Variants in DST observed in about 807,000 individuals in gnomAD.
DST encodes the protein dystonin, also known as bullous pemphigoid antigen.
In DST, 253 loss-of-function variants were observed where a neutral mutation model predicts 875.2. The ratio of observed to expected loss-of-function variants is 0.29; its 90% CI spans 0.26 to 0.32. The LOEUF (loss-of-function observed/expected upper bound fraction) is 0.32, where lower values mean the gene tolerates loss of function less well. Ranked by LOEUF, DST falls within the 10% of genes least tolerant of loss-of-function variation. DST has a pLI of 1.00. For synonymous variants in DST, 3,124 were observed against 3,197.1 expected (o/e 0.98, Z 0.77); for missense variants, 8,287 against 9,111.6 (o/e 0.91, Z 3.68).
rs779563013 is a variant in DST at position 56,597,916 on chromosome 6, C to T, written c.12019G>A (p.Ala4007Thr). The part of the protein sequence containing the change: ...LSNVDKDSER[A>T]GTKHKQVIEQ... The stretch of plus-strand genomic sequence containing the variant: ...ATTACCTGTTTGTGTTTTGTCCCTG[C>T]CCTTTCTGAGTCTTTGTCAACATTT... The change falls in exon 47 of 104, where the codon GCA becomes ACA. Residue 4007 changes from alanine to threonine, a missense_variant. Ala to Thr is a moderately conservative substitution (Grantham distance 58). Coordinates refer to ENST00000680361, the MANE Select transcript of DST (RefSeq NM_001374736.1). 1.2e-6 allele frequency: 2 copies of T among 1,613,704 alleles called. No individual in the cohort carries two copies. Among genetic ancestry groups the T allele is most frequent in the South Asian group, 1.1e-5 (1 of 91,028 alleles).
In DST at chr6:56,776,161, AT is replaced by A. The variant is rs544572049; in HGVS notation, c.626-40873del. Among the ~76,000 whole-genome samples the A allele has an allele frequency of 8.8e-3, 1,337 of 152,362 alleles. 17 individuals are homozygous for A. The highest frequency in any genetic ancestry group is 0.03 in the African/African-American group (1,228 of 41,578). On this transcript the variant is annotated intron_variant, in intron 4 of 103. Coordinates refer to ENST00000680361, the MANE Select transcript of DST (RefSeq NM_001374736.1). ...TCTGTGGTCTTCCTTGCAAAGACCC[AT>A]AACCTCAATCTAACCATAGGAAAAA...
At chr6:56,928,085 T>C (rs775990874) in intron 2 of DST, among the ~76,000 whole-genome samples, 55 of 152,282 alleles carry the variant, frequency 3.6e-4, no homozygotes, top group Non-Finnish European at 6.2e-4. Flanking sequence ...TTGGGGCTTA[T>C]ACCTCTGAGG....
intron 90 of DST, among the ~76,000 whole-genome samples, chr6:56,479,053 G>A (rs2095312665): frequency 1.3e-5 from 2 of 151,868 alleles, no homozygotes; most frequent in African/African-American, 4.8e-5. Context: ...AATCTGCAAG[G>A]AACTCAAACA....
At chr6:56,910,197 C>T (rs73459721) in intron 2 of DST, among the ~76,000 whole-genome samples, 6,239 of 152,260 alleles carry the variant, frequency 0.041, 433 homozygotes, top group African/African-American at 0.14. Flanking sequence ...GATGAGGTCT[C>T]GCTCAGTTGC....
intron 36 of DST, chr6:56,620,595 C>T: frequency 6.2e-7 from 1 of 1,614,070 alleles, no homozygotes; most frequent in Non-Finnish European, 8.5e-7. Flanking sequence ...AGTTCAGCTA[C>T]CATTCTTTCC....
intron 2 of DST, among the ~76,000 whole-genome samples, chr6:56,911,638 C>A (rs766904250): frequency 7.9e-5 from 12 of 152,150 alleles, no homozygotes; most frequent in Non-Finnish European, 1.8e-4. Context: ...TTAAATTATA[C>A]ATACAACATG....
chr6:56,605,125 T>C lies in DST; in HGVS notation c.9503A>G (p.Glu3168Gly). ...TSWEGNTHFE[E>G]SFTDGPEKEL... ...TTTCTCAGGTCCATCAGTGAATGACTCCTCAAAATGTGTATTCCCTTCCCA... is the reference window on the plus strand; with the variant it reads ...TTTCTCAGGTCCATCAGTGAATGACCCCTCAAAATGTGTATTCCCTTCCCA... The change falls in exon 40 of 104, where the codon GAG becomes GGG. Residue 3168 changes from glutamate to glycine, a missense_variant. By Grantham distance (98) the Glu-to-Gly change is moderately conservative (BLOSUM62 -2). This residue lies in a region of DST where 3,138 missense variants were observed against 3,116.6 expected (regional missense o/e 1.01). Transcript: ENST00000680361. The C allele has an allele frequency of 6.2e-7, 1 of 1,612,626 alleles. No individual in the cohort carries two copies. Among genetic ancestry groups the C allele is most frequent in the Non-Finnish European group, 8.5e-7 (1 of 1,179,268 alleles).
chr6:56,580,958 C>T (rs943162213), intron 49 of DST, among the ~76,000 whole-genome samples: 4 of 148,770 alleles, frequency 2.7e-5, no homozygotes, highest in Non-Finnish European at 5.9e-5. Context: ...TGGTCTCAAA[C>T]TCCTGGGCTC....
At chr6:56,483,851 A>T (rs1045492971) in intron 88 of DST, 13 of 152,086 alleles carry the variant, frequency 8.5e-5, no homozygotes, top group Admixed American at 2.0e-4. Context: ...GACTGATTCA[A>T]CTCTAACAGT....
chr6:56,617,142 T>C, intron 36 of DST: 1 of 1,605,640 alleles, frequency 6.2e-7, no homozygotes, highest in Non-Finnish European at 8.5e-7. Context: ...ATTGTTCTCA[T>C]GTCCAGAAGC....
At chr6:56,475,974 C>T (rs2095169603) in intron 92 of DST, among the ~76,000 whole-genome samples, 175 bp downstream of exon 92, 2 of 152,102 alleles carry the variant, frequency 1.3e-5, no homozygotes, top group Admixed American at 1.3e-4. Flanking sequence ...CAGAGGGTTC[C>T]TGTAAAGAGA....
At position 56,526,148 on chromosome 6, in the gene DST, G is replaced by A. The variant is rs143400261; in HGVS notation, c.18129+213C>T. ...GGTAAGGATAAATCTGTGAAACAAT[G>A]AGGCAGATGGCTGTGAACAATGTGC... On this transcript the variant is annotated intron_variant, in intron 69 of 103. Transcript: ENST00000680361. 0.025 allele frequency among the ~76,000 whole-genome samples: 3,846 copies of A among 152,340 alleles called. 74 individuals are homozygous for A. Among genetic ancestry groups the A allele is most frequent in the Non-Finnish European group, 0.043 (2,899 of 68,024 alleles).
chr6:56,897,523 G>A (rs1792025464), intron 3 of DST, among the ~76,000 whole-genome samples: 1 of 152,078 alleles, frequency 6.6e-6, no homozygotes, highest in African/African-American at 2.4e-5. Context: ...TAGAGAAGGG[G>A]TTTTGCCATG....
intron 61 of DST, among the ~76,000 whole-genome samples, chr6:56,545,712 G>A (rs554791422): frequency 2.0e-5 from 3 of 152,048 alleles, no homozygotes; most frequent in African/African-American, 7.2e-5. Context: ...GAAACATGGA[G>A]GTTTTAGGGT....
chr6:56,642,687 A>C lies in DST; in HGVS notation c.1779-184T>G. On this transcript the variant is annotated intron_variant, in intron 15 of 103. Transcript: ENST00000680361. ...AGTTGATCAGTGTTGGACCACAATG[A>C]ACCAAGAGAAGATTTTCATTTGAAT... The C allele has an allele frequency of 3.1e-6, 5 of 1,614,168 alleles. No individual in the cohort carries two copies. Among genetic ancestry groups the C allele is most frequent in the Non-Finnish European group, 4.2e-6 (5 of 1,180,000 alleles).
intron 4 of DST, among the ~76,000 whole-genome samples, chr6:56,842,258 C>G (rs1300357902): frequency 2.6e-5 from 4 of 152,138 alleles, no homozygotes; most frequent in Non-Finnish European, 4.4e-5. Flanking sequence ...ATACTTTAAA[C>G]CTCTGTGAGC....
At chr6:56,787,360 G>A (rs2099707309) in intron 4 of DST, among the ~76,000 whole-genome samples, 1 of 152,200 alleles carries the variant, frequency 6.6e-6, no homozygotes, top group Non-Finnish European at 1.5e-5. Context: ...AAGAGATGAA[G>A]TAATTTAGCC....
intron 73 of DST, among the ~76,000 whole-genome samples, chr6:56,510,887 C>A (rs1398540427): frequency 6.6e-6 from 1 of 152,096 alleles, no homozygotes; most frequent in Non-Finnish European, 1.5e-5. Context: ...TCCTTTATCT[C>A]CCCCAATGGC....
At position 56,639,239 on chromosome 6, in the gene DST, A is replaced by G. The variant is rs1489416836; in HGVS notation, c.2964+20T>C. ...ATCATATCAATATTCAACCAACACCATTACACTTTCCAGCTTTACCTCAAT... is the reference window on the plus strand; with the variant it reads ...ATCATATCAATATTCAACCAACACCGTTACACTTTCCAGCTTTACCTCAAT... On this transcript the variant is annotated intron_variant, in intron 22 of 103. Coordinates refer to ENST00000680361, the MANE Select transcript of DST (RefSeq NM_001374736.1). 1 of 1,583,126 alleles carries G rather than the reference A, an allele frequency of 6.3e-7. No individual in the cohort carries two copies. The highest frequency in any genetic ancestry group is 1.7e-4 in the Middle Eastern group (1 of 6,044).
Sources: allele counts gnomAD v4.1 joint callset (sites outside exome capture counted in the v4.1 genomes callset), GRCh38; gene constraint gnomAD v4.1.1; regional missense constraint gnomAD v4.1.1; transcripts MANE v1.5; gene names NCBI Gene and HGNC (gene_info 2026-07-23, HGNC 2026-07-21).